Variants in CASZ1 observed in about 807,000 individuals in gnomAD.
CASZ1 encodes zinc finger protein castor homolog 1.
Under a neutral mutation model 135.2 loss-of-function variants are expected in CASZ1, and 28 were observed. The observed-to-expected ratio is 0.21, with a 90% CI of 0.15 to 0.28. CASZ1 has a LOEUF of 0.28. CASZ1 is among the 10% of genes least tolerant of loss of function. The probability of loss-of-function intolerance (pLI) is 1.00; values close to 1 mark genes in which losing one functional copy is unlikely to be tolerated. For synonymous variants in CASZ1, 1,068 were observed against 1,073.4 expected (o/e 0.99, Z 0.10); for missense variants, 2,161 against 2,453.3 (o/e 0.88, Z 2.52).
chr1:10,681,382 A>G (rs1638415623), intron 4 of CASZ1, among the ~76,000 whole-genome samples: 3 of 152,006 alleles, frequency 2.0e-5, no homozygotes, highest in African/African-American at 7.3e-5. Context: ...CAGCCAGCCC[A>G]TGTGAGGCAG....
In CASZ1 at chr1:10,679,562, C is replaced by T. The variant is rs992359574; in HGVS notation, c.17-13991G>A. ...CCCCCGCGGGCCCCTCCTCCCCATACCATAGTCCTGGTTCCCAGCCTGCAA... is the reference window on the plus strand; with the variant it reads ...CCCCCGCGGGCCCCTCCTCCCCATATCATAGTCCTGGTTCCCAGCCTGCAA... On this transcript the variant is annotated intron_variant, in intron 4 of 20. Coordinates refer to ENST00000377022, the MANE Select transcript of CASZ1 (RefSeq NM_001079843.3). The surrounding 1 kb of genome is among the most constrained non-coding windows in gnomAD (Gnocchi z 4.7). Among the ~76,000 whole-genome samples, 1 of 152,202 alleles carries T rather than the reference C, an allele frequency of 6.6e-6. No individual in the cohort carries two copies. The highest frequency in any genetic ancestry group is 2.4e-5 in the African/African-American group (1 of 41,442).
intron 4 of CASZ1, among the ~76,000 whole-genome samples, chr1:10,680,799 G>A (rs941669025): frequency 2.6e-5 from 4 of 152,260 alleles, no homozygotes; most frequent in African/African-American, 7.2e-5. Context: ...ACTAGGAAGC[G>A]GGAAAGCAGA....
Position 10,647,604 on chromosome 1 carries a change from C to T in CASZ1, c.3497+197G>A. The T allele has an allele frequency of 6.9e-7, 1 of 1,439,088 alleles. No homozygotes were observed. Among genetic ancestry groups the T allele is most frequent in the Non-Finnish European group, 9.1e-7 (1 of 1,099,798 alleles). The allele number at this position is 1,439,088 out of a possible 1,614,324, so 89.1% of individuals were successfully genotyped here. A position where few individuals can be genotyped will look rare whatever the true frequency, so the allele number is the denominator to read the frequency against. On this transcript the variant is annotated intron_variant, in intron 16 of 20. Coordinates refer to ENST00000377022, the MANE Select transcript of CASZ1 (RefSeq NM_001079843.3). This position sits in a 1 kb window ranked among gnomAD's most constrained non-coding sequence, Gnocchi z 4.9. ...GCCACCATCGGCCCACGCGGGCTGG[C>T]CTGCTCTGGGACAGGCAGTGAGGTA...
chr1:10,663,559 G>A (rs1254598134), intron 5 of CASZ1, among the ~76,000 whole-genome samples: 5 of 152,220 alleles, frequency 3.3e-5, no homozygotes, highest in Non-Finnish European at 5.9e-5. Flanking sequence ...AATAGCTGGA[G>A]GCAGCTGAGC....
Position 10,776,741 on chromosome 1 carries a change from TCCA to T in CASZ1, c.-233-15887_-233-15885del, listed in dbSNP as rs1640667685. On this transcript the variant is annotated intron_variant, in intron 1 of 20. Coordinates refer to ENST00000377022, the MANE Select transcript of CASZ1 (RefSeq NM_001079843.3). The surrounding 1 kb of genome is among the most constrained non-coding windows in gnomAD (Gnocchi z 4.1). ...CGGACTCCAGACGGTGGCAAGAAGC[TCCA>T]GCCATCCTGAAGTAGGAAGGGGTGA... is the stretch of plus-strand genomic sequence containing the variant. Among the ~76,000 whole-genome samples, 1 of 152,150 alleles carries T rather than the reference TCCA, an allele frequency of 6.6e-6. No homozygotes were observed. The highest frequency in any genetic ancestry group is 2.4e-5 in the African/African-American group (1 of 41,428).
At position 10,758,887 on chromosome 1, in the gene CASZ1, G is replaced by A. The variant is rs976465055; in HGVS notation, c.-77+1814C>T. 3.9e-5 allele frequency among the ~76,000 whole-genome samples: 6 copies of A among 152,286 alleles called. No homozygotes were observed. The East Asian group carries it at 5.8e-4, about 15-fold the overall frequency. Reference sequence around the variant, plus strand: ...GGACTTGGCCATGATATTCTCACTCGGAGCCCGTGGAGTTCCCAAGCTTCA... The same window carrying A: ...GGACTTGGCCATGATATTCTCACTCAGAGCCCGTGGAGTTCCCAAGCTTCA... On this transcript the variant is annotated intron_variant, in intron 2 of 20. Coordinates refer to ENST00000377022, the MANE Select transcript of CASZ1 (RefSeq NM_001079843.3).
At chr1:10,674,123 C>T (rs1434465742) in intron 4 of CASZ1, among the ~76,000 whole-genome samples, 1 of 152,222 alleles carries the variant, frequency 6.6e-6, no homozygotes, top group Non-Finnish European at 1.5e-5. Context: ...GGCAAGATGC[C>T]CTCCCCAGGT....
chr1:10,759,090 A>G lies in CASZ1; in HGVS notation c.-77+1611T>C, dbSNP rs1265611379. Among the ~76,000 whole-genome samples the G allele has an allele frequency of 6.6e-6, 1 of 152,228 alleles. No individual in the cohort carries two copies. Among genetic ancestry groups the G allele is most frequent in the Non-Finnish European group, 1.5e-5 (1 of 68,040 alleles). On this transcript the variant is annotated intron_variant, in intron 2 of 20. Transcript: ENST00000377022. The surrounding 1 kb of genome is among the most constrained non-coding windows in gnomAD (Gnocchi z 4.2). The stretch of plus-strand genomic sequence containing the variant: ...TTTTGCCCAGGCAAAGAAGAAAACA[A>G]AAAACCCGTCACTGAGAACAGAGCA...
intron 4 of CASZ1, among the ~76,000 whole-genome samples, chr1:10,672,454 C>T (rs1473847061): frequency 2.7e-5 from 4 of 150,244 alleles, no homozygotes; most frequent in South Asian, 2.1e-4. Flanking sequence ...ATCCTTCACT[C>T]GCCAGCCCGC....
At chr1:10,644,482 C>T (rs1313214205) in intron 18 of CASZ1, among the ~76,000 whole-genome samples, 3 of 152,212 alleles carry the variant, frequency 2.0e-5, no homozygotes, top group Non-Finnish European at 4.4e-5. Context: ...TAAATAACTG[C>T]AGAATGGATG....
chr1:10,725,038 A>T lies in CASZ1; in HGVS notation c.-76-19494T>A, dbSNP rs143191165. On this transcript the variant is annotated intron_variant, in intron 2 of 20. Coordinates refer to ENST00000377022, the MANE Select transcript of CASZ1 (RefSeq NM_001079843.3). The surrounding 1 kb of genome is among the most constrained non-coding windows in gnomAD (Gnocchi z 4.4). Reference sequence around the variant, plus strand: ...CCACATGTTGGCCGGGAGGGAGCCCACAGAGGACGGAGGGAAGCAGCCCTC... The same window carrying T: ...CCACATGTTGGCCGGGAGGGAGCCCTCAGAGGACGGAGGGAAGCAGCCCTC... Among the ~76,000 whole-genome samples, 1 of 152,340 alleles carries T rather than the reference A, an allele frequency of 6.6e-6. No individual in the cohort carries two copies. The highest frequency in any genetic ancestry group is 1.5e-5 in the Non-Finnish European group (1 of 68,030).
rs557398831 is a variant in CASZ1, at chr1:10,724,768, G to A, written c.-76-19224C>T. ...GGGCCCTGGGAGGGAGAGGCAAGGC[G>A]GGGAAGAGGAGGCAGAGGAAGGCAG... On this transcript the variant is annotated intron_variant, in intron 2 of 20. Coordinates refer to ENST00000377022, the MANE Select transcript of CASZ1 (RefSeq NM_001079843.3). The surrounding 1 kb of genome is among the most constrained non-coding windows in gnomAD (Gnocchi z 4.1). Among the ~76,000 whole-genome samples the A allele has an allele frequency of 4.6e-4, 70 of 152,354 alleles. No homozygotes were observed. Among genetic ancestry groups the A allele is most frequent in the African/African-American group, 1.5e-3 (63 of 41,586 alleles).
At chr1:10,686,821 C>A (rs536383468) in intron 4 of CASZ1, among the ~76,000 whole-genome samples, 10 of 152,346 alleles carry the variant, frequency 6.6e-5, no homozygotes, top group African/African-American at 2.4e-4. Context: ...CTCCCCCACC[C>A]GTGGCCAGAA....
intron 2 of CASZ1, among the ~76,000 whole-genome samples, chr1:10,742,560 C>G (rs1346112729): frequency 6.6e-6 from 1 of 152,158 alleles, no homozygotes; most frequent in Non-Finnish European, 1.5e-5. Context: ...TTTAAGATCC[C>G]TGTCTTTCAT....
chr1:10,795,746 C>G (rs762237897), intron 1 of CASZ1, among the ~76,000 whole-genome samples: 1 of 145,908 alleles, frequency 6.9e-6, no homozygotes, highest in Non-Finnish European at 1.5e-5. Context: ...ACGCCACTTG[C>G]CGCGCCTGGA....
At chr1:10,718,516 G>C (rs889789441) in intron 2 of CASZ1, among the ~76,000 whole-genome samples, 3 of 152,204 alleles carry the variant, frequency 2.0e-5, no homozygotes, top group Non-Finnish European at 2.9e-5. Flanking sequence ...GGCACGCCAG[G>C]CTCCTTCTCC....
In CASZ1 at chr1:10,735,339, G is replaced by C. The variant is rs1639776305; in HGVS notation, c.-77+25362C>G. On this transcript the variant is annotated intron_variant, in intron 2 of 20. Coordinates refer to ENST00000377022, the MANE Select transcript of CASZ1 (RefSeq NM_001079843.3). This position sits in a 1 kb window ranked among gnomAD's most constrained non-coding sequence, Gnocchi z 5.1. ...GAGAGGGAAAGGTTGAGCCGCCACG[G>C]GCCCCAAGCTGCATTCTGAGCTGAC... 6.6e-6 allele frequency among the ~76,000 whole-genome samples: 1 copy of C among 152,150 alleles called. No homozygotes were observed. The highest frequency in any genetic ancestry group is 1.5e-5 in the Non-Finnish European group (1 of 68,020).
In CASZ1 at chr1:10,638,725, C is replaced by T; in HGVS notation, c.*217G>A. On this transcript the variant is annotated 3_prime_UTR_variant, in exon 21 of 21. Coordinates refer to ENST00000377022, the MANE Select transcript of CASZ1 (RefSeq NM_001079843.3). This position sits in a 1 kb window ranked among gnomAD's most constrained non-coding sequence, Gnocchi z 5.9. ...CCGGGACAAGAGCACCTTCTGTTTC[C>T]CTGAAGAGACCCGGCCTCCCTAGAG... The T allele has an allele frequency of 4.0e-6, 1 of 252,936 alleles. No individual in the cohort carries two copies. The highest frequency in any genetic ancestry group is 6.2e-6 in the Non-Finnish European group (1 of 160,306). 15.7% of individuals were successfully genotyped at this position (252,936 alleles called of 1,614,324 possible). A position where few individuals can be genotyped will look rare whatever the true frequency, so the allele number is the denominator to read the frequency against.
chr1:10,773,884 G>A (rs1446075971), intron 1 of CASZ1, among the ~76,000 whole-genome samples: 2 of 152,240 alleles, frequency 1.3e-5, no homozygotes, highest in Non-Finnish European at 1.5e-5. Flanking sequence ...CCGCAGGGTG[G>A]GAGCAGCCCT....
Sources: allele counts gnomAD v4.1 joint callset (sites outside exome capture counted in the v4.1 genomes callset), GRCh38; gene constraint gnomAD v4.1.1; non-coding constraint Gnocchi (gnomAD v3.1); transcripts MANE v1.5; gene names NCBI Gene and HGNC (gene_info 2026-07-23, HGNC 2026-07-21).